Variants in ABTB1 observed in about 807,000 individuals in gnomAD.
The protein encoded by ABTB1 is ankyrin repeat and BTB/POZ domain-containing protein 1.
In ABTB1, 45 loss-of-function variants were observed where a neutral mutation model predicts 57.1. The observed-to-expected ratio is 0.79, with a 90% CI of 0.62 to 1.01. The LOEUF is 1.01. Ranked by LOEUF, ABTB1 falls within the 50% of genes least tolerant of loss-of-function variation. ABTB1 has a pLI of 0.00. For synonymous variants in ABTB1, 302 were observed against 275.4 expected (o/e 1.10, Z -0.95); for missense variants, 630 against 666.3 (o/e 0.95, Z 0.60).
At position 127,676,933 on chromosome 3, in the gene ABTB1, T is replaced by C; in HGVS notation, c.527-34T>C. 6.3e-7 allele frequency: 1 copy of C among 1,585,940 alleles called. No individual in the cohort carries two copies. Among genetic ancestry groups the C allele is most frequent in the Non-Finnish European group, 8.6e-7 (1 of 1,156,688 alleles). On this transcript the variant is annotated intron_variant, in intron 6 of 11. Coordinates refer to ENST00000232744, the MANE Select transcript of ABTB1 (RefSeq NM_172027.3). This position sits in a 1 kb window ranked among gnomAD's most constrained non-coding sequence, Gnocchi z 5.4. ...TCTGTGGGCCTGATGACAGCTGAGG[T>C]CCCGCAGGCCCTCATCCTCCCCACT...
intron 10 of ABTB1, 33 bp from the exon 11 acceptor site, chr3:127,679,952 C>CG (rs776237100): frequency 7.7e-5 from 124 of 1,608,690 alleles, no homozygotes; most frequent in Non-Finnish European, 9.9e-5. Context: ...TTGGTGACCT[C>CG]GGGGGGCACC....
In ABTB1 at chr3:127,677,150, G is replaced by A. The variant is rs1328586386; in HGVS notation, c.644-18G>A. ...GGCAGGGCTGGCCTGGCTCCCTGAA[G>A]TTGTTCTTCCCCTGTAGTGGCGTCT... On this transcript the variant is annotated intron_variant, in intron 7 of 11. Transcript: ENST00000232744. 1 of 1,613,386 alleles carries A rather than the reference G, an allele frequency of 6.2e-7. No homozygotes were observed.
At chr3:127,679,879 C>G (rs2075084823) in intron 10 of ABTB1, 106 bp from the exon 11 acceptor site, 5 of 1,174,438 alleles carry the variant, frequency 4.3e-6, no homozygotes, top group South Asian at 4.1e-5. Context: ...CACTGGAAGC[C>G]TTCCCGCCAG....
chr3:127,673,403 C>A (rs937890412), intron 1 of ABTB1: 1 of 211,396 alleles, frequency 4.7e-6, no homozygotes, highest in Non-Finnish European at 9.3e-6. Context: ...GGACGTCAGA[C>A]CCCCCGGGCG....
At chr3:127,673,211 C>A in intron 1 of ABTB1, 130 bp downstream of exon 1, 1 of 1,031,760 alleles carries the variant, frequency 9.7e-7, no homozygotes, top group Non-Finnish European at 1.3e-6. Context: ...CTCGGAGCGC[C>A]CCCGCGGGGC....
At chr3:127,679,910 C>T (rs2075086662) in intron 10 of ABTB1, 75 bp from the exon 11 acceptor site, 2 of 1,487,410 alleles carry the variant, frequency 1.3e-6, no homozygotes, top group Non-Finnish European at 1.9e-6. Context: ...CCACCACAGG[C>T]CCTAGCCTTG....
chr3:127,679,370 T>C lies in ABTB1; in HGVS notation c.1030-615T>C, dbSNP rs915901889. Reference sequence around the variant, plus strand: ...GTGGTCGCAGAGCTCCCCTTGTCTCTGTCTGCAGCTTGCTCCCTGTGCCAC... The same window carrying C: ...GTGGTCGCAGAGCTCCCCTTGTCTCCGTCTGCAGCTTGCTCCCTGTGCCAC... On this transcript the variant is annotated intron_variant, in intron 10 of 11. Transcript: ENST00000232744. 12 of 359,530 alleles carry C rather than the reference T, an allele frequency of 3.3e-5. 1 individual carries two copies. The highest frequency in any genetic ancestry group is 6.8e-5 in the Non-Finnish European group (12 of 177,432). The allele number at this position is 359,530 out of a possible 1,614,324, so 22.3% of individuals were successfully genotyped here.
chr3:127,677,603 G>A (rs755564497), intron 9 of ABTB1, 40 bp downstream of exon 9: 3 of 1,613,384 alleles, frequency 1.9e-6, no homozygotes, highest in South Asian at 1.1e-5. Flanking sequence ...CCAGCCCGTT[G>A]CCCTGAGCCC....
In ABTB1 at chr3:127,680,277, G is replaced by A. The variant is rs760851422; in HGVS notation, c.1239G>A (p.Glu413=). The change falls in exon 12 of 12, where the codon GAG becomes GAA. Residue 413 remains glutamate (E), a synonymous_variant. Transcript: ENST00000232744. ...YMAKVIEKLV[E]REDFVEAVKE... is the part of the protein sequence containing the mutation. Reference sequence around the variant, plus strand: ...GCCCTTCCCGCTCATAGCTGGTGGAGCGGGAGGACTTCGTGGAGGCGGTGA... The same window carrying A: ...GCCCTTCCCGCTCATAGCTGGTGGAACGGGAGGACTTCGTGGAGGCGGTGA... 3 of 1,613,412 alleles carry A rather than the reference G, an allele frequency of 1.9e-6. No homozygotes were observed. The highest frequency in any genetic ancestry group is 2.7e-5 in the African/African-American group (2 of 74,944).
chr3:127,677,229 C>T lies in ABTB1; in HGVS notation c.705C>T (p.Pro235=), dbSNP rs138201811. ...VLTIEPPPAD[P]RLREDMALLA... is the part of the protein sequence containing the mutation. ...CCATCGAGCCCCCACCTGCAGACCC[C>T]CGCCTCCGGGAGGACATGGCGCTGC... is the stretch of plus-strand genomic sequence containing the variant. Residue 235 remains proline (P), a synonymous_variant, in exon 8 of 12, where the codon CCC becomes CCT. Transcript: ENST00000232744. 1.1e-4 allele frequency: 172 copies of T among 1,605,630 alleles called. No homozygotes were observed. In the African/African-American group the frequency reaches 2.0e-3, roughly 19 times the overall value.
intron 10 of ABTB1, 74 bp downstream of exon 10, chr3:127,677,917 TG>T (rs2075027154): frequency 6.5e-7 from 1 of 1,535,654 alleles, no homozygotes; most frequent in South Asian, 1.2e-5. Flanking sequence ...GCCAGGGCCC[TG>T]GGGGTCTGTG....
rs371266309 is a variant in ABTB1 at position 127,677,883 on chromosome 3, T to C, written c.1029+40T>C. ...AGAGCTGGGGATGGCACACAACCTG[T>C]GCTGCCGTGGGCTGAGAGGGAGCGC... On this transcript the variant is annotated intron_variant, in intron 10 of 11. Transcript: ENST00000232744. 1,291 of 1,597,802 alleles carry C rather than the reference T, an allele frequency of 8.1e-4. 1 individual carries two copies. Among genetic ancestry groups the C allele is most frequent in the Non-Finnish European group, 1.0e-3 (1,211 of 1,172,628 alleles).
chr3:127,676,223 G>A lies in ABTB1; in HGVS notation c.321-49G>A. ...CTGGGTTCTGAGTGCTCCGAGGAAT[G>A]GGGTGGGGCTGTGCCAAGTATCCTC... On this transcript the variant is annotated intron_variant, in intron 4 of 11. Coordinates refer to ENST00000232744, the MANE Select transcript of ABTB1 (RefSeq NM_172027.3). This position sits in a 1 kb window ranked among gnomAD's most constrained non-coding sequence, Gnocchi z 5.4. 6.2e-7 allele frequency: 1 copy of A among 1,604,720 alleles called. No individual in the cohort carries two copies. The highest frequency in any genetic ancestry group is 8.5e-7 in the Non-Finnish European group (1 of 1,173,242).
In ABTB1 at chr3:127,676,052, C is replaced by G; in HGVS notation, c.258C>G (p.Arg86=). The G allele has an allele frequency of 6.2e-7, 1 of 1,613,236 alleles. No homozygotes were observed. Among genetic ancestry groups the G allele is most frequent in the South Asian group, 1.1e-5 (1 of 91,060 alleles). The change falls in exon 4 of 12, where the codon CGC becomes CGG. Residue 86 remains arginine (R), a synonymous_variant. Coordinates refer to ENST00000232744, the MANE Select transcript of ABTB1 (RefSeq NM_172027.3). The surrounding 1 kb of genome is among the most constrained non-coding windows in gnomAD (Gnocchi z 5.4). ...ALSDPIRRAL[R]DYKQVTASCR... ...GTGACCCCATCCGCCGGGCTCTACG[C>G]GATTACAAGCAGGTCACGGCTTCCT...
chr3:127,680,397 C>A lies in ABTB1; in HGVS notation c.1359C>A (p.Thr453=). 1 of 1,607,974 alleles carries A rather than the reference C, an allele frequency of 6.2e-7. No individual in the cohort carries two copies. Among genetic ancestry groups the A allele is most frequent in the South Asian group, 1.1e-5 (1 of 90,364 alleles). The change falls in exon 12 of 12, where the codon ACC becomes ACA. Residue 453 remains threonine, a synonymous_variant. Coordinates refer to ENST00000232744, the MANE Select transcript of ABTB1 (RefSeq NM_172027.3). ...IRFHVASTVQ[T]YSAIEEAQQR... is the part of the protein sequence containing the mutation. ...TCCACGTGGCCAGCACGGTGCAGACCTACAGCGCCATAGAGGAGGCGCAGC... is the reference window on the plus strand; with the variant it reads ...TCCACGTGGCCAGCACGGTGCAGACATACAGCGCCATAGAGGAGGCGCAGC...
intron 1 of ABTB1, 44 bp downstream of exon 1, chr3:127,673,125 C>A: frequency 6.7e-7 from 1 of 1,482,918 alleles, no homozygotes; most frequent in East Asian, 3.0e-5. Context: ...AGGTGGCCGC[C>A]CTCGGAACGC....
chr3:127,676,077 T>C lies in ABTB1; in HGVS notation c.283T>C (p.Cys95Arg). 1 of 1,613,384 alleles carries C rather than the reference T, an allele frequency of 6.2e-7. No homozygotes were observed. Among genetic ancestry groups the C allele is most frequent in the Non-Finnish European group, 8.5e-7 (1 of 1,180,008 alleles). Reference sequence around the variant, plus strand: ...CGATTACAAGCAGGTCACGGCTTCCTGCAGGAGGCGGGATTACTATGACGA... The same window carrying C: ...CGATTACAAGCAGGTCACGGCTTCCCGCAGGAGGCGGGATTACTATGACGA... ...LRDYKQVTAS[C>R]RRRDYYDDFL... The change falls in exon 4 of 12, where the codon TGC becomes CGC. Residue 95 changes from cysteine (C) to arginine (R), a missense_variant. Cys to Arg is a radical substitution (Grantham distance 180, BLOSUM62 -3). Coordinates refer to ENST00000232744, the MANE Select transcript of ABTB1 (RefSeq NM_172027.3). This position sits in a 1 kb window ranked among gnomAD's most constrained non-coding sequence, Gnocchi z 5.4.
intron 10 of ABTB1, chr3:127,679,530 G>A (rs1314509252): frequency 2.2e-6 from 1 of 458,082 alleles, no homozygotes; most frequent in South Asian, 1.5e-5. Context: ...CAGAGTCCCT[G>A]CATAGGTCTT....
intron 10 of ABTB1, 134 bp downstream of exon 10, chr3:127,677,977 G>T (rs1304752721): frequency 8.5e-7 from 1 of 1,174,938 alleles, no homozygotes. Context: ...GGCTGGAGGG[G>T]AAGGCTGTGG....
Sources: gnomAD v4.1 joint callset for allele counts on GRCh38, gnomAD v4.1.1 for gene constraint, Gnocchi (gnomAD v3.1) non-coding constraint, MANE v1.5 for transcripts, NCBI Gene and HGNC (gene_info 2026-07-23, HGNC 2026-07-21) for gene names.